Variants in STAM observed in about 807,000 individuals in gnomAD.
STAM encodes the protein signal transducing adaptor molecule, also known as signal transducing adapter molecule 1.
A neutral mutation model predicts 63.4 loss-of-function variants in STAM; 16 were observed. That is an observed-to-expected ratio of 0.25 (90% confidence interval 0.17 to 0.38). STAM has a LOEUF of 0.38. Ranked by LOEUF, STAM falls within the 10% of genes least tolerant of loss-of-function variation. The pLI is 1.00. For missense variants in STAM, 636 were observed against 657.1 expected (o/e 0.97, Z 0.35); for synonymous variants, 238 against 223.9 (o/e 1.06, Z -0.56).
chr10:17,650,137 T>C (rs1465179039), intron 1 of STAM, among the ~76,000 whole-genome samples: 1 of 152,232 alleles, frequency 6.6e-6, no homozygotes, highest in Non-Finnish European at 1.5e-5. Flanking sequence ...ATAAGCTAGA[T>C]GAATCTTAAA....
chr10:17,714,943 A>G lies in STAM; in HGVS notation c.*163A>G, dbSNP rs1836746032. ...GTAGAACTCTCCTCAATTTACACTG[A>G]CTTTTTAGAGGTTCTTCCCCCCCCG... On this transcript the variant is annotated 3_prime_UTR_variant, in exon 14 of 14. Coordinates refer to ENST00000377524, the MANE Select transcript of STAM (RefSeq NM_003473.4). 1.5e-6 allele frequency: 1 copy of G among 675,560 alleles called. No individual in the cohort carries two copies. Among genetic ancestry groups the G allele is most frequent in the African/African-American group, 1.8e-5 (1 of 55,152 alleles). 41.8% of individuals were successfully genotyped at this position (675,560 alleles called of 1,614,324 possible). A position where few individuals can be genotyped will look rare whatever the true frequency, so the allele number is the denominator to read the frequency against.
chr10:17,705,705 A>G lies in STAM; in HGVS notation c.1173A>G (p.Pro391=). 1 of 1,613,752 alleles carries G rather than the reference A, an allele frequency of 6.2e-7. No homozygotes were observed. Residue 391 remains proline, a synonymous_variant, in exon 12 of 14, where the codon CCA becomes CCG. Coordinates refer to ENST00000377524, the MANE Select transcript of STAM (RefSeq NM_003473.4). ...YSMYAKLQNQ[P]YYMQSSGVSG... The stretch of plus-strand genomic sequence containing the variant: ...TGTATGCAAAGTTACAGAATCAGCC[A>G]TATTATATGCAGTCATCTGGTGTTT...
chr10:17,714,870 C>T lies in STAM; in HGVS notation c.*90C>T, dbSNP rs880002998. Reference sequence around the variant, plus strand: ...TACTATCTTAAGATGTGTTTATCCTCAGCTTATAGGAATCTCTCCAGGTCA... The same window carrying T: ...TACTATCTTAAGATGTGTTTATCCTTAGCTTATAGGAATCTCTCCAGGTCA... On this transcript the variant is annotated 3_prime_UTR_variant, in exon 14 of 14. Transcript: ENST00000377524. The T allele has an allele frequency of 6.4e-6, 8 of 1,245,336 alleles. No homozygotes were observed. Among genetic ancestry groups the T allele is most frequent in the South Asian group, 1.3e-5 (1 of 79,824 alleles). The allele number at this position is 1,245,336 out of a possible 1,614,324, so 77.1% of individuals were successfully genotyped here. A position where few individuals can be genotyped will look rare whatever the true frequency, so the allele number is the denominator to read the frequency against.
At position 17,674,931 on chromosome 10, in the gene STAM, A is replaced by G. The variant is rs193080776; in HGVS notation, c.126-9744A>G. Among the ~76,000 whole-genome samples, 329 of 152,320 alleles carry G rather than the reference A, an allele frequency of 2.2e-3. 8 individuals are homozygous for G. The highest frequency in any genetic ancestry group is 0.019 in the Admixed American group (289 of 15,300). The stretch of plus-strand genomic sequence containing the variant: ...CCACTTTTGATACTTGAGACACTCA[A>G]TCCTTAAGAATGGAATGACAAAATG... On this transcript the variant is annotated intron_variant, in intron 2 of 13. Coordinates refer to ENST00000377524, the MANE Select transcript of STAM (RefSeq NM_003473.4).
chr10:17,683,688 G>A (rs559339140), intron 2 of STAM, among the ~76,000 whole-genome samples: 104 of 151,950 alleles, frequency 6.8e-4, no homozygotes, highest in Non-Finnish European at 1.2e-3. Context: ...TCATCATTAT[G>A]TGGATGATTT....
At chr10:17,644,467 C>A in intron 1 of STAM, 88 bp downstream of exon 1, 1 of 1,529,368 alleles carries the variant, frequency 6.5e-7, no homozygotes. Flanking sequence ...ACCCTCGGGC[C>A]AGGGCCAAGG....
At chr10:17,652,385 T>C (rs1258914987) in intron 1 of STAM, among the ~76,000 whole-genome samples, 9 of 152,196 alleles carry the variant, frequency 5.9e-5, no homozygotes, top group African/African-American at 1.9e-4. Flanking sequence ...TCCATACAAA[T>C]ATGAATCAGA....
chr10:17,645,785 A>G (rs1833497588), intron 1 of STAM, among the ~76,000 whole-genome samples: 1 of 152,222 alleles, frequency 6.6e-6, no homozygotes, highest in Non-Finnish European at 1.5e-5. Context: ...AGATACAGTG[A>G]TGAGCAAGGC....
At chr10:17,662,380 T>TA (rs1214344383) in intron 2 of STAM, among the ~76,000 whole-genome samples, 9 of 152,320 alleles carry the variant, frequency 5.9e-5, no homozygotes, top group African/African-American at 2.2e-4. Flanking sequence ...CCAATGTAGA[T>TA]ACCACTTCTT....
At chr10:17,669,145 A>C (rs77708060) in intron 2 of STAM, among the ~76,000 whole-genome samples, 11 of 152,166 alleles carry the variant, frequency 7.2e-5, no homozygotes, top group Middle Eastern at 3.4e-3. Flanking sequence ...ATTCTTTTCT[A>C]TTTGGCTACC....
intron 1 of STAM, among the ~76,000 whole-genome samples, chr10:17,645,361 T>C (rs1833480075): frequency 6.6e-6 from 1 of 152,186 alleles, no homozygotes; most frequent in South Asian, 2.1e-4. Context: ...TTATGAAAGG[T>C]GGATGTTGAA....
chr10:17,665,467 T>TC (rs1190065453), intron 2 of STAM, among the ~76,000 whole-genome samples: 1 of 152,112 alleles, frequency 6.6e-6, no homozygotes, highest in Non-Finnish European at 1.5e-5. Flanking sequence ...GAATACATTT[T>TC]CCCCCCATTT....
chr10:17,667,752 T>C (rs1439883320), intron 2 of STAM, among the ~76,000 whole-genome samples: 2 of 152,264 alleles, frequency 1.3e-5, no homozygotes, highest in Non-Finnish European at 2.9e-5. Flanking sequence ...GTTACGTTTA[T>C]GCTATAATTT....
chr10:17,677,774 T>G (rs1175044697), intron 2 of STAM, among the ~76,000 whole-genome samples: 1 of 152,182 alleles, frequency 6.6e-6, no homozygotes, highest in Non-Finnish European at 1.5e-5. Flanking sequence ...CCATGCTCTT[T>G]AGGTGGAAGC....
intron 1 of STAM, among the ~76,000 whole-genome samples, chr10:17,653,820 G>A (rs148611961): frequency 1.3e-3 from 191 of 152,336 alleles, no homozygotes; most frequent in African/African-American, 4.4e-3. Flanking sequence ...TTTGGTATCT[G>A]TGGAAGATCC....
chr10:17,694,326 A>G lies in STAM; in HGVS notation c.536-723A>G, dbSNP rs527644768. Among the ~76,000 whole-genome samples the G allele has an allele frequency of 2.8e-4, 43 of 152,274 alleles. No homozygotes were observed. The South Asian group carries it at 6.0e-3, about 21-fold the overall frequency. On this transcript the variant is annotated intron_variant, in intron 6 of 13. Transcript: ENST00000377524. ...TTGAAAAATATTGTTCCCTACCTCA[A>G]GGTCCTAAAAGATAGTTTTCTGTAT...
intron 2 of STAM, among the ~76,000 whole-genome samples, chr10:17,660,989 G>T (rs572403278): frequency 5.9e-5 from 9 of 152,172 alleles, no homozygotes; most frequent in African/African-American, 1.9e-4. Flanking sequence ...TGATTTCTCA[G>T]TTACCAAGTT....
intron 1 of STAM, among the ~76,000 whole-genome samples, chr10:17,651,834 G>T (rs782628434): frequency 6.6e-6 from 1 of 152,210 alleles, no homozygotes; most frequent in Non-Finnish European, 1.5e-5. Flanking sequence ...CTGACTGAAT[G>T]ACAGTCCTTT....
At chr10:17,648,483 ACT>A (rs1447092591) in intron 1 of STAM, among the ~76,000 whole-genome samples, 58 of 152,068 alleles carry the variant, frequency 3.8e-4, no homozygotes, top group Non-Finnish European at 1.5e-4. Context: ...TTGTTCTTTC[ACT>A]CTGCACAATA....
Sources: allele counts gnomAD v4.1 joint callset (sites outside exome capture counted in the v4.1 genomes callset), GRCh38; gene constraint gnomAD v4.1.1; transcripts MANE v1.5; gene names NCBI Gene and HGNC (gene_info 2026-07-23, HGNC 2026-07-21).